The following ANKRD53 variants were observed in gnomAD, a reference collection of about 807,000 sequenced individuals.
The protein encoded by ANKRD53 is ankyrin repeat domain-containing protein 53.
In ANKRD53, 27 loss-of-function variants were observed where a neutral mutation model predicts 30.1. That is an observed-to-expected ratio of 0.90 (90% CI 0.66 to 1.24). The LOEUF is 1.24. Among genes scored for constraint, ANKRD53 ranks in the 50% most tolerant of loss-of-function variants. The pLI is 0.00. For synonymous variants in ANKRD53, 286 were observed against 295.4 expected, an observed-to-expected ratio of 0.97 and a Z score of 0.33; for missense variants, 682 against 721.0, an observed-to-expected ratio of 0.95 and a Z score of 0.62.
In ANKRD53 at chr2:70,979,184, C is replaced by T. The variant is rs1553422998; in HGVS notation, c.258C>T (p.Pro86=). 5.0e-6 allele frequency: 8 copies of T among 1,612,818 alleles called. No individual in the cohort carries two copies. The highest frequency in any genetic ancestry group is 6.8e-6 in the Non-Finnish European group (8 of 1,179,830). Residue 86 remains proline (P), a synonymous_variant, in exon 2 of 6, where the codon CCC becomes CCT. Coordinates refer to ENST00000360589, the MANE Select transcript of ANKRD53 (RefSeq NM_001115116.2). ...RPRRPASLTP[P]RADPSPSKES... The stretch of plus-strand genomic sequence containing the variant: ...GCCGCCCTGCCTCGCTCACCCCGCC[C>T]CGCGCTGACCCCAGCCCCAGCAAGG...
In ANKRD53 at chr2:70,982,187, T is replaced by G. The variant is rs1670031643; in HGVS notation, c.782+87T>G. 6.9e-7 allele frequency: 1 copy of G among 1,446,768 alleles called. No homozygotes were observed. The highest frequency in any genetic ancestry group is 1.4e-5 in the African/African-American group (1 of 69,886). 89.6% of individuals were successfully genotyped at this position (1,446,768 alleles called of 1,614,324 possible). ...TAGGGCCCTCACCACAGCTGAGCCT[T>G]TAAGGGGAGGGTTGGGAAGCCAGAC... On this transcript the variant is annotated intron_variant, in intron 4 of 5. Transcript: ENST00000360589. The surrounding 1 kb of genome is among the most constrained non-coding windows in gnomAD (Gnocchi z 4.2).
rs1553423845 is a variant in ANKRD53 at position 70,982,672 on chromosome 2, A to G, written c.878A>G (p.Glu293Gly). ...KMFKSQLTLM[E>G]HNYLIEYQKE... ...TTCAAGAGCCAGCTGACCCTCATGG[A>G]GCACAACTACCTGATTGAGTATCAA... The change falls in exon 5 of 6, where the codon GAG (glutamate) becomes GGG (glycine). Residue 293 changes from glutamate to glycine, a missense_variant. Glu to Gly is a moderately conservative substitution (Grantham distance 98). Coordinates refer to ENST00000360589, the MANE Select transcript of ANKRD53 (RefSeq NM_001115116.2). The surrounding 1 kb of genome is among the most constrained non-coding windows in gnomAD (Gnocchi z 4.2). The G allele has an allele frequency of 8.7e-6, 14 of 1,614,124 alleles. No individual in the cohort carries two copies. The highest frequency in any genetic ancestry group is 1.0e-5 in the Non-Finnish European group (12 of 1,180,018).
chr2:70,979,463 T>C, intron 2 of ANKRD53, 120 bp downstream of exon 2: 1 of 1,510,254 alleles, frequency 6.6e-7, no homozygotes. Context: ...ACTCATCTTC[T>C]GGCTGTGGAA....
rs1553424674 is a variant in ANKRD53 at position 70,985,277 on chromosome 2, C to A, written c.1570C>A (p.Pro524Thr). Residue 524 changes from proline (P) to threonine (T), a missense_variant, in exon 6 of 6, where the codon CCC becomes ACC. Transcript: ENST00000360589. ...ATCTCATCAAGGACTCCCCACCCTG[C>A]CCTCCCCACAAACCAACCCATAAAG... ...VRSHQGLPTLPSPQTNP is the reference protein window; with the variant it reads ...VRSHQGLPTLTSPQTNP The A allele has an allele frequency of 6.5e-7, 1 of 1,549,422 alleles. No homozygotes were observed. Among genetic ancestry groups the A allele is most frequent in the Non-Finnish European group, 8.7e-7 (1 of 1,146,390 alleles).
rs200796243 is a variant in ANKRD53, at chr2:70,983,263, T to C, written c.903+566T>C. The stretch of plus-strand genomic sequence containing the variant: ...TTGAAAGATGCGCAGCAGTTGGCTA[T>C]ATGAAGGAGGGAAGGGCTAACCAGG... On this transcript the variant is annotated intron_variant, in intron 5 of 5. Coordinates refer to ENST00000360589, the MANE Select transcript of ANKRD53 (RefSeq NM_001115116.2). 2.0e-5 allele frequency among the ~76,000 whole-genome samples: 3 copies of C among 152,104 alleles called. No individual in the cohort carries two copies. In the East Asian group the frequency reaches 5.8e-4, roughly 29 times the overall value.
rs1670016475 is a variant in ANKRD53 at position 70,981,813 on chromosome 2, A to G, written c.618-123A>G. On this transcript the variant is annotated intron_variant, in intron 3 of 5. Transcript: ENST00000360589. ...GGTGCCAAAAGGGACAGACATAGCT[A>G]GGATCACCCAGTGGACTGATGGTAG... 12 of 1,069,542 alleles carry G rather than the reference A, an allele frequency of 1.1e-5. No individual in the cohort carries two copies. The South Asian group carries it at 2.3e-4, about 20-fold the overall frequency. 66.3% of individuals were successfully genotyped at this position (1,069,542 alleles called of 1,614,324 possible).
chr2:70,979,051 C>T (rs544660202), intron 1 of ANKRD53, 46 bp from the exon 2 acceptor site: 16 of 1,517,606 alleles, frequency 1.1e-5, no homozygotes, highest in African/African-American at 5.5e-5. Context: ...CCGAGAGGTG[C>T]CCGGGCCGTG....
intron 3 of ANKRD53, among the ~76,000 whole-genome samples, chr2:70,980,666 C>T (rs1434170743): frequency 6.6e-6 from 1 of 151,940 alleles, no homozygotes; most frequent in Non-Finnish European, 1.5e-5. Context: ...AAAAATTAGG[C>T]TGGCCGCAGT....
intron 5 of ANKRD53, chr2:70,984,300 T>C (rs781934999): frequency 7.4e-6 from 12 of 1,613,660 alleles, no homozygotes; most frequent in South Asian, 6.6e-5. Flanking sequence ...CCATGTCAAG[T>C]TGGAGTCTCA....
chr2:70,981,793 C>T, intron 3 of ANKRD53, 143 bp from the exon 4 acceptor site: 2 of 869,898 alleles, frequency 2.3e-6, no homozygotes, highest in Non-Finnish European at 3.3e-6. Context: ...ATTGAGGTGC[C>T]AAAAGGGACA....
In ANKRD53 at chr2:70,984,868, T is replaced by C. The variant is rs1203625152; in HGVS notation, c.1161T>C (p.Asn387=). 1 of 1,551,156 alleles carries C rather than the reference T, an allele frequency of 6.4e-7. No homozygotes were observed. Among genetic ancestry groups the C allele is most frequent in the Non-Finnish European group, 8.7e-7 (1 of 1,147,016 alleles). ...CGGTCAAGCGGCCCACAATGTGGAA[T>C]GTTAGCAACAACCCCGCCAGACCCC... ...KPTVKRPTMW[N]VSNNPARPPT... is the part of the protein sequence containing the mutation. Residue 387 remains asparagine, a synonymous_variant, in exon 6 of 6, where the codon AAT becomes AAC. Transcript: ENST00000360589.
Position 70,982,858 on chromosome 2 carries a change from C to T in ANKRD53, c.903+161C>T, listed in dbSNP as rs939617000. Among the ~76,000 whole-genome samples the T allele has an allele frequency of 5.9e-5, 9 of 152,182 alleles. No individual in the cohort carries two copies. Among genetic ancestry groups the T allele is most frequent in the Admixed American group, 2.6e-4 (4 of 15,284 alleles). Reference sequence around the variant, plus strand: ...CCACCGGGTACTCTGACTGAAATTCCGCTCTTTTAAATAAGCCAGTCTTTT... The same window carrying T: ...CCACCGGGTACTCTGACTGAAATTCTGCTCTTTTAAATAAGCCAGTCTTTT... On this transcript the variant is annotated intron_variant, in intron 5 of 5. Coordinates refer to ENST00000360589, the MANE Select transcript of ANKRD53 (RefSeq NM_001115116.2). The surrounding 1 kb of genome is among the most constrained non-coding windows in gnomAD (Gnocchi z 4.2).
At position 70,985,211 on chromosome 2, in the gene ANKRD53, C is replaced by G; in HGVS notation, c.1504C>G (p.Leu502Val). The change falls in exon 6 of 6, where the codon CTG (leucine) becomes GTG (valine). Residue 502 changes from leucine to valine, a missense_variant. Physicochemically the swap from Leu to Val is conservative, Grantham distance 32. Coordinates refer to ENST00000360589, the MANE Select transcript of ANKRD53 (RefSeq NM_001115116.2). ...TFWTDTLAMN[L>V]RDTFDEAFLA... ...CTGGACCGACACTCTGGCCATGAAC[C>G]TGCGTGACACATTCGATGAAGCCTT... 2 of 1,551,558 alleles carry G rather than the reference C, an allele frequency of 1.3e-6. No individual in the cohort carries two copies. Among genetic ancestry groups the G allele is most frequent in the Non-Finnish European group, 1.7e-6 (2 of 1,147,024 alleles).
In ANKRD53 at chr2:70,982,041, T is replaced by A; in HGVS notation, c.723T>A (p.Asp241Glu). Residue 241 changes from aspartate (D) to glutamate (E), a missense_variant, in exon 4 of 6, where the codon GAT becomes GAA. Transcript: ENST00000360589. This position sits in a 1 kb window ranked among gnomAD's most constrained non-coding sequence, Gnocchi z 4.2. ...VQSGANVHAQ[D>E]AMGYKPIDFC... is the part of the protein sequence containing the mutation. The stretch of plus-strand genomic sequence containing the variant: ...GTGGCGCCAACGTCCATGCCCAAGA[T>A]GCCATGGGCTACAAACCCATTGACT... The A allele has an allele frequency of 6.2e-7, 1 of 1,613,770 alleles. No homozygotes were observed. The highest frequency in any genetic ancestry group is 8.5e-7 in the Non-Finnish European group (1 of 1,179,842).
At position 70,981,828 on chromosome 2, in the gene ANKRD53, A is replaced by C. The variant is rs1460295655; in HGVS notation, c.618-108A>C. ...AGACATAGCTAGGATCACCCAGTGG[A>C]CTGATGGTAGAGCAGGGCTTGGAAA... On this transcript the variant is annotated intron_variant, in intron 3 of 5. Transcript: ENST00000360589. The C allele has an allele frequency of 2.4e-6, 3 of 1,239,280 alleles. No homozygotes were observed. In the African/African-American group the frequency reaches 4.6e-5, roughly 19 times the overall value. 76.8% of individuals were successfully genotyped at this position (1,239,280 alleles called of 1,614,324 possible). A position where few individuals can be genotyped will look rare whatever the true frequency, so the allele number is the denominator to read the frequency against.
intron 3 of ANKRD53, among the ~76,000 whole-genome samples, chr2:70,980,433 G>A (rs958879711): frequency 6.6e-6 from 1 of 152,004 alleles, no homozygotes; most frequent in Non-Finnish European, 1.5e-5. Flanking sequence ...CTATGCCCCA[G>A]TACTCTGGCT....
At position 70,985,182 on chromosome 2, in the gene ANKRD53, C is replaced by G; in HGVS notation, c.1475C>G (p.Thr492Ser). 1 of 1,551,312 alleles carries G rather than the reference C, an allele frequency of 6.4e-7. No individual in the cohort carries two copies. The highest frequency in any genetic ancestry group is 8.7e-7 in the Non-Finnish European group (1 of 1,146,900). Reference sequence around the variant, plus strand: ...AGGAAGCGGCACCTGGGTGACAACACCTTCTGGACCGACACTCTGGCCATG... The same window carrying G: ...AGGAAGCGGCACCTGGGTGACAACAGCTTCTGGACCGACACTCTGGCCATG... ...VPRKRHLGDN[T>S]FWTDTLAMNL... Residue 492 changes from threonine (T) to serine (S), a missense_variant, in exon 6 of 6, where the codon ACC becomes AGC. Physicochemically the swap from Thr to Ser is moderately conservative, Grantham distance 58. Transcript: ENST00000360589.
Position 70,982,606 on chromosome 2 carries a change from A to G in ANKRD53, c.812A>G (p.Asp271Gly). Reference protein sequence around the residue: ...RFLKDAMWKKDKKDFAREMTK... With the variant: ...RFLKDAMWKKGKKDFAREMTK... ...TTGAAGGATGCCATGTGGAAAAAGG[A>G]CAAGAAGGACTTTGCCCGTGAGATG... The change falls in exon 5 of 6, where the codon GAC becomes GGC. Residue 271 changes from aspartate to glycine, a missense_variant. Coordinates refer to ENST00000360589, the MANE Select transcript of ANKRD53 (RefSeq NM_001115116.2). The surrounding 1 kb of genome is among the most constrained non-coding windows in gnomAD (Gnocchi z 4.2). 1.2e-6 allele frequency: 2 copies of G among 1,614,180 alleles called. No individual in the cohort carries two copies. The highest frequency in any genetic ancestry group is 3.3e-4 in the Middle Eastern group (2 of 6,062).
At chr2:70,979,566 A>G (rs1457122957) in intron 2 of ANKRD53, 95 bp from the exon 3 acceptor site, 8 of 1,434,294 alleles carry the variant, frequency 5.6e-6, no homozygotes, top group Non-Finnish European at 7.5e-6. Context: ...GACACAGGGA[A>G]GAAAGTGAAG....
Sources: allele counts gnomAD v4.1 joint callset (sites outside exome capture counted in the v4.1 genomes callset), GRCh38; gene constraint gnomAD v4.1.1; non-coding constraint Gnocchi (gnomAD v3.1); transcripts MANE v1.5; gene names NCBI Gene and HGNC (gene_info 2026-07-23, HGNC 2026-07-21).